Variants in BDP1 observed in about 807,000 individuals in gnomAD.
BDP1 encodes the protein BDP1 general transcription factor IIIB subunit, also known as transcription factor TFIIIB component B'' homolog.
A neutral mutation model predicts 266.6 loss-of-function variants in BDP1; 169 were observed. That is an observed-to-expected ratio of 0.63 (90% CI 0.56 to 0.72). The LOEUF is 0.72. Ranked by LOEUF, BDP1 falls within the 30% of genes least tolerant of loss-of-function variation. The pLI is 0.00. For synonymous variants in BDP1, 1,090 were observed against 1,022.4 expected (o/e 1.07, Z -1.26); for missense variants, 3,015 against 3,053.8 (o/e 0.99, Z 0.30).
rs1443704192 is a variant in BDP1, at chr5:71,486,508, AT to A, written c.1101del (p.Phe367LeufsTer25). ...AFQEKRPFDF[D>X]FFAHLLQKVL... is the part of the protein sequence containing the mutation. ...GAGGAAAAGCGCCCTTTTGACTTCG[AT>A]TTTTTTGCTCATTTGCTTCAGAAAG... On this transcript the variant is annotated frameshift_variant, in exon 9 of 39. Coordinates refer to ENST00000358731, the MANE Select transcript of BDP1 (RefSeq NM_018429.3). LOFTEE classifies it high-confidence loss of function. The A allele has an allele frequency of 6.5e-7, 1 of 1,537,622 alleles. No homozygotes were observed. The highest frequency in any genetic ancestry group is 8.7e-7 in the Non-Finnish European group (1 of 1,155,722).
chr5:71,463,882 T>C (rs1761724363), intron 3 of BDP1, among the ~76,000 whole-genome samples, 176 bp from the exon 4 acceptor site: 1 of 151,974 alleles, frequency 6.6e-6, no homozygotes, highest in African/African-American at 2.4e-5. Flanking sequence ...ATTATTTGTA[T>C]GTGATGACAA....
chr5:71,541,993 G>A, intron 29 of BDP1, 112 bp from the exon 30 acceptor site: 1 of 815,190 alleles, frequency 1.2e-6, no homozygotes, highest in East Asian at 2.7e-5. Flanking sequence ...AACACTTGTA[G>A]ACAGTGTGGC....
chr5:71,492,791 T>A (rs1763669388), intron 11 of BDP1, among the ~76,000 whole-genome samples: 1 of 152,228 alleles, frequency 6.6e-6, no homozygotes, highest in Admixed American at 6.5e-5. Flanking sequence ...TGGTGTCATA[T>A]CTAAGAAACT....
rs757957259 is a variant in BDP1, at chr5:71,511,184, G to A, written c.4059+33G>A. On this transcript the variant is annotated intron_variant, in intron 17 of 38. Transcript: ENST00000358731. ...TTTTTCTGTCCTTTAAAAGTTTTTT[G>A]AATGCTTTTTTCAGAGGAAATAAAT... The A allele has an allele frequency of 1.9e-6, 3 of 1,551,632 alleles. No individual in the cohort carries two copies. The South Asian group carries it at 3.6e-5, about 19-fold the overall frequency.
intron 7 of BDP1, among the ~76,000 whole-genome samples, chr5:71,476,563 C>T (rs995714454): frequency 1.3e-5 from 2 of 150,538 alleles, no homozygotes; most frequent in Non-Finnish European, 3.0e-5. Flanking sequence ...TTTTTTTAGA[C>T]AGAGTCTCGC....
intron 8 of BDP1, among the ~76,000 whole-genome samples, chr5:71,485,429 A>G (rs1353352640): frequency 3.9e-5 from 6 of 152,180 alleles, no homozygotes; most frequent in Admixed American, 2.0e-4. Context: ...TTTGAGTGCT[A>G]TGTCTTTCAG....
Position 71,464,057 on chromosome 5 carries a change from G to A in BDP1, c.600-1G>A, listed in dbSNP as rs778109701. On this transcript the variant is annotated splice_acceptor_variant, in intron 3 of 38. Coordinates refer to ENST00000358731, the MANE Select transcript of BDP1 (RefSeq NM_018429.3). LOFTEE classifies it high-confidence loss of function. The stretch of plus-strand genomic sequence containing the variant: ...AAGATATTGTTATTTATGTTCAATA[G>A]TTCTTCACTGGAACAAGAAAAGAAA... 1 of 1,530,238 alleles carries A rather than the reference G, an allele frequency of 6.5e-7. No homozygotes were observed. The highest frequency in any genetic ancestry group is 8.9e-7 in the Non-Finnish European group (1 of 1,120,246). 94.8% of individuals were successfully genotyped at this position (1,530,238 alleles called of 1,614,324 possible). A position where few individuals can be genotyped will look rare whatever the true frequency, so the allele number is the denominator to read the frequency against.
In BDP1 at chr5:71,473,262, A is replaced by ATTTTTTT. The variant is rs869174435; in HGVS notation, c.1014+2797_1014+2803dup. On this transcript the variant is annotated intron_variant, in intron 7 of 38. Transcript: ENST00000358731. ...TAATGAACCAACTTTTCTTAATGTA[A>ATTTTTTT]TTTTTTTTTTTTTTTTTTTTTTTTT... is the stretch of plus-strand genomic sequence containing the variant. Among the ~76,000 whole-genome samples, 10 of 59,970 alleles carry ATTTTTTT rather than the reference A, an allele frequency of 1.7e-4. 1 individual carries two copies. Among genetic ancestry groups the ATTTTTTT allele is most frequent in the African/African-American group, 5.5e-4 (8 of 14,438 alleles). The allele number at this position is 59,970 out of a possible 152,430, so 39.3% of individuals were successfully genotyped here. A position where few individuals can be genotyped will look rare whatever the true frequency, so the allele number is the denominator to read the frequency against.
In BDP1 at chr5:71,566,868, T is replaced by G. The variant is rs1239254343; in HGVS notation, c.*1983T>G. ...TATTTTAGAGTCTAGATAATTATGT[T>G]TGTATATTGAAAAAATGGTGGCCAG... On this transcript the variant is annotated 3_prime_UTR_variant, in exon 39 of 39. Transcript: ENST00000358731. 2.6e-5 allele frequency: 4 copies of G among 152,250 alleles called. No homozygotes were observed. Among genetic ancestry groups the G allele is most frequent in the African/African-American group, 9.6e-5 (4 of 41,464 alleles). The allele number at this position is 152,250 out of a possible 1,614,324, so 9.4% of individuals were successfully genotyped here.
At position 71,504,396 on chromosome 5, in the gene BDP1, T is replaced by G. The variant is rs146797776; in HGVS notation, c.2242-225T>G. Among the ~76,000 whole-genome samples the G allele has an allele frequency of 5.5e-3, 832 of 152,282 alleles. 8 individuals are homozygous for G. Among genetic ancestry groups the G allele is most frequent in the African/African-American group, 0.019 (798 of 41,554 alleles). On this transcript the variant is annotated intron_variant, in intron 15 of 38. Transcript: ENST00000358731. Reference sequence around the variant, plus strand: ...CAGATGAAACCAAGGCAGTTACTTGTTTTTTGATTGGGAGGAAAAGAATGG... The same window carrying G: ...CAGATGAAACCAAGGCAGTTACTTGGTTTTTGATTGGGAGGAAAAGAATGG...
intron 26 of BDP1, chr5:71,537,756 G>A (rs990879260): frequency 1.8e-5 from 3 of 169,204 alleles, no homozygotes; most frequent in African/African-American, 7.2e-5. Flanking sequence ...CACTTTTGCA[G>A]GAGCAGGTTT....
chr5:71,519,318 C>A (rs1178821734), intron 22 of BDP1, among the ~76,000 whole-genome samples: 1 of 152,122 alleles, frequency 6.6e-6, no homozygotes, highest in East Asian at 1.9e-4. Flanking sequence ...TTTATATTGG[C>A]AACATAATTT....
intron 36 of BDP1, among the ~76,000 whole-genome samples, chr5:71,558,844 A>T (rs867600967): frequency 4.9e-5 from 7 of 141,904 alleles, no homozygotes; most frequent in African/African-American, 1.8e-4. Flanking sequence ...AAAAAAAAAA[A>T]CAACAAAAAA....
At chr5:71,467,559 G>C (rs1015251045) in intron 6 of BDP1, 72 bp downstream of exon 6, 11 of 1,316,264 alleles carry the variant, frequency 8.4e-6, no homozygotes, top group African/African-American at 1.5e-5. Flanking sequence ...AATTAAATCA[G>C]TTCTCCCCTA....
chr5:71,527,118 G>A (rs1047002666), intron 25 of BDP1, among the ~76,000 whole-genome samples: 7 of 150,984 alleles, frequency 4.6e-5, no homozygotes, highest in Non-Finnish European at 3.0e-5. Flanking sequence ...ATGGGGTTTC[G>A]CTATGTTGCA....
At position 71,465,665 on chromosome 5, in the gene BDP1, G is replaced by A. The variant is rs184296006; in HGVS notation, c.660-431G>A. Among the ~76,000 whole-genome samples, 1,040 of 152,258 alleles carry A rather than the reference G, an allele frequency of 6.8e-3. 11 individuals are homozygous for A. Among genetic ancestry groups the A allele is most frequent in the African/African-American group, 0.022 (930 of 41,546 alleles). ...TGGGAGGCTGAGGCGGGTGGATCAC[G>A]AGGTCAGGAGTTTGAGACCAGCCTG... is the stretch of plus-strand genomic sequence containing the variant. On this transcript the variant is annotated intron_variant, in intron 4 of 38. Coordinates refer to ENST00000358731, the MANE Select transcript of BDP1 (RefSeq NM_018429.3).
intron 19 of BDP1, 135 bp downstream of exon 19, chr5:71,513,542 C>A: frequency 1.6e-6 from 1 of 641,446 alleles, no homozygotes; most frequent in Non-Finnish European, 2.7e-6. Flanking sequence ...ATATTGCTCC[C>A]ATGCTTAATG....
rs279289 is a variant in BDP1 at position 71,544,780 on chromosome 5, C to T, written c.6564-259C>T. ...CTGTAGTTGTAGCTACTTGGGAGGCCGAGGCAGGAGAATCGTGTGAACCTG... is the reference window on the plus strand; with the variant it reads ...CTGTAGTTGTAGCTACTTGGGAGGCTGAGGCAGGAGAATCGTGTGAACCTG... On this transcript the variant is annotated intron_variant, in intron 31 of 38. Transcript: ENST00000358731. 0.31 allele frequency among the ~76,000 whole-genome samples: 45,703 copies of T among 147,026 alleles called. 7,919 individuals are homozygous for T. Among genetic ancestry groups the T allele is most frequent in the East Asian group, 0.51 (2,545 of 4,950 alleles).
chr5:71,526,253 C>G (rs1361904372), intron 25 of BDP1, among the ~76,000 whole-genome samples: 1 of 149,018 alleles, frequency 6.7e-6, no homozygotes, highest in South Asian at 2.2e-4. Flanking sequence ...CCCAGCCAAC[C>G]TCTGATTAAT....
Sources: allele counts gnomAD v4.1 joint callset (sites outside exome capture counted in the v4.1 genomes callset), GRCh38; gene constraint gnomAD v4.1.1; transcripts MANE v1.5; gene names NCBI Gene and HGNC (gene_info 2026-07-23, HGNC 2026-07-21).